The following SCAF4 variants were observed in gnomAD, a reference collection of about 807,000 sequenced individuals.
SCAF4 encodes the protein SR-related and CTD-associated factor 4.
Under a neutral mutation model 129.8 loss-of-function variants are expected in SCAF4, and 25 were observed. The observed-to-expected ratio is 0.19, with a 90% CI of 0.14 to 0.27. The LOEUF (loss-of-function observed/expected upper bound fraction) is 0.27. SCAF4 is among the 10% of genes least tolerant of loss of function. The pLI, the probability that SCAF4 is intolerant of heterozygous loss-of-function variation, is 1.00. For missense variants in SCAF4, 1,246 were observed against 1,457.1 expected (o/e 0.86, Z 2.36); for synonymous variants, 551 against 497.7 (o/e 1.11, Z -1.43).
At chr21:31,713,495 T>A (rs2050853371) in intron 1 of SCAF4, among the ~76,000 whole-genome samples, 1 of 152,178 alleles carries the variant, frequency 6.6e-6, no homozygotes, top group African/African-American at 2.4e-5. Flanking sequence ...GTAATTCTTT[T>A]GAGAAAAAGA....
Position 31,685,579 on chromosome 21 carries a change from T to A in SCAF4, c.2198A>T (p.His733Leu). The A allele has an allele frequency of 6.2e-7, 1 of 1,614,020 alleles. No homozygotes were observed. The highest frequency in any genetic ancestry group is 1.6e-4 in the Middle Eastern group (1 of 6,062). ...PFLRPGFNPM[H>L]LPPGFLPPGP... ...ACAATTTAGTGTACCTGGTGGTAAATGCATTGGGTTGAATCCTGGGCGCAA... is the reference window on the plus strand; with the variant it reads ...ACAATTTAGTGTACCTGGTGGTAAAAGCATTGGGTTGAATCCTGGGCGCAA... Residue 733 changes from histidine to leucine, a missense_variant, in exon 17 of 20, where the codon CAT becomes CTT. By Grantham distance (99) the His-to-Leu change is moderately conservative (BLOSUM62 -3). This residue lies in a region of SCAF4 where 468 missense variants were observed against 605.5 expected (regional missense o/e 0.77). Transcript: ENST00000286835.
At chr21:31,724,727 C>CA (rs1258200404) in intron 1 of SCAF4, among the ~76,000 whole-genome samples, 2 of 151,454 alleles carry the variant, frequency 1.3e-5, no homozygotes, top group Non-Finnish European at 2.9e-5. Context: ...GTAAAGAAAA[C>CA]AAACAAAAAA....
At chr21:31,674,008 T>C (rs1372686602) in intron 19 of SCAF4, among the ~76,000 whole-genome samples, 1 of 152,166 alleles carries the variant, frequency 6.6e-6, no homozygotes, top group Non-Finnish European at 1.5e-5. Context: ...TTTCAAAGCA[T>C]CTTATTATAA....
In SCAF4 at chr21:31,703,764, C is replaced by A. The variant is rs2050589119; in HGVS notation, c.321+1G>T. On this transcript the variant is annotated splice_donor_variant, in intron 4 of 19. Coordinates refer to ENST00000286835, the MANE Select transcript of SCAF4 (RefSeq NM_020706.2). LOFTEE classifies it high-confidence loss of function. Reference sequence around the variant, plus strand: ...AGTTTTAGTTTAAAAATTAATTATACCTTATCTTCAGATGGACAAAGATAT... The same window carrying A: ...AGTTTTAGTTTAAAAATTAATTATAACTTATCTTCAGATGGACAAAGATAT... The A allele has an allele frequency of 1.4e-6, 2 of 1,468,686 alleles. No homozygotes were observed. The highest frequency in any genetic ancestry group is 1.3e-5 in the South Asian group (1 of 78,772). 91.0% of individuals were successfully genotyped at this position (1,468,686 alleles called of 1,614,324 possible). A position where few individuals can be genotyped will look rare whatever the true frequency, so the allele number is the denominator to read the frequency against.
intron 1 of SCAF4, 125 bp downstream of exon 1, chr21:31,731,538 C>T (rs1417145996): frequency 5.9e-6 from 7 of 1,178,356 alleles, no homozygotes; most frequent in East Asian, 5.8e-5. Flanking sequence ...GCAGGCCCCG[C>T]CGCCCCGGAA....
In SCAF4 at chr21:31,694,108, C is replaced by T. The variant is rs12106435; in HGVS notation, c.1322+96G>A. On this transcript the variant is annotated intron_variant, in intron 11 of 19. Coordinates refer to ENST00000286835, the MANE Select transcript of SCAF4 (RefSeq NM_020706.2). ...TACAAACATACCAACTGTTATTTTACTAACATTCTGAATATCTGAAAATAA... is the reference window on the plus strand; with the variant it reads ...TACAAACATACCAACTGTTATTTTATTAACATTCTGAATATCTGAAAATAA... 6.3e-3 allele frequency: 4,179 copies of T among 667,902 alleles called. 131 individuals are homozygous for T. In the African/African-American group the frequency reaches 0.068, roughly 11 times the overall value. The allele number at this position is 667,902 out of a possible 1,614,324, so 41.4% of individuals were successfully genotyped here.
intron 19 of SCAF4, among the ~76,000 whole-genome samples, chr21:31,680,608 C>T (rs922776349): frequency 6.6e-6 from 1 of 152,098 alleles, no homozygotes; most frequent in African/African-American, 2.4e-5. Flanking sequence ...CATCAAAATT[C>T]AAACAAAATT....
At chr21:31,715,618 A>G (rs1218659510) in intron 1 of SCAF4, among the ~76,000 whole-genome samples, 5 of 152,234 alleles carry the variant, frequency 3.3e-5, no homozygotes, top group Non-Finnish European at 7.3e-5. Flanking sequence ...CAACCTATTT[A>G]GCAAGTCTAG....
chr21:31,718,771 C>A (rs8134467), intron 1 of SCAF4, among the ~76,000 whole-genome samples: 2 of 152,144 alleles, frequency 1.3e-5, no homozygotes, highest in Admixed American at 1.3e-4. Flanking sequence ...GCAACAAAAC[C>A]GCACATAATA....
intron 19 of SCAF4, 44 bp from the exon 20 acceptor site, chr21:31,672,398 G>T: frequency 7.1e-7 from 1 of 1,408,518 alleles, no homozygotes; most frequent in Non-Finnish European, 1.0e-6. Context: ...ACCGAAGATG[G>T]CACTCCAGTT....
At chr21:31,704,029 T>G (rs1006068953) in intron 3 of SCAF4, 103 bp from the exon 4 acceptor site, 10 of 660,566 alleles carry the variant, frequency 1.5e-5, no homozygotes, top group Non-Finnish European at 2.2e-5. Context: ...ATCCAATGAT[T>G]GCTTTTGTTT....
chr21:31,725,032 G>T (rs1350247849), intron 1 of SCAF4, among the ~76,000 whole-genome samples: 1 of 152,126 alleles, frequency 6.6e-6, no homozygotes, highest in Non-Finnish European at 1.5e-5. Context: ...AATTCCCTGG[G>T]TCAAGAAAGT....
In SCAF4 at chr21:31,671,724, C is replaced by A; in HGVS notation, c.3119G>T (p.Arg1040Leu). 1 of 1,614,088 alleles carries A rather than the reference C, an allele frequency of 6.2e-7. No homozygotes were observed. The highest frequency in any genetic ancestry group is 8.5e-7 in the Non-Finnish European group (1 of 1,179,970). The change falls in exon 20 of 20, where the codon CGG (arginine) becomes CTG (leucine). Residue 1040 changes from arginine to leucine, a missense_variant. Physicochemically the swap from Arg to Leu is moderately radical, Grantham distance 102. Around this residue, in one of 6 missense-constraint regions of SCAF4, gnomAD observed 339 missense variants for 325.0 expected, o/e 1.04. Coordinates refer to ENST00000286835, the MANE Select transcript of SCAF4 (RefSeq NM_020706.2). ...CTCTTCCAAGTCTCTGTGCCTGTCCCGGTCAGGGCTCCTCCTTCCCCACTC... is the reference window on the plus strand; with the variant it reads ...CTCTTCCAAGTCTCTGTGCCTGTCCAGGTCAGGGCTCCTCCTTCCCCACTC... The part of the protein sequence containing the change: ...RREWGRRSPD[R>L]DRHRDLEERN...
chr21:31,689,776 A>C (rs1427820489), intron 15 of SCAF4, among the ~76,000 whole-genome samples: 2 of 151,168 alleles, frequency 1.3e-5, no homozygotes. Context: ...TAAAAAAAAT[A>C]CCAAAAAAAT....
chr21:31,716,609 T>C (rs1198588342), intron 1 of SCAF4, among the ~76,000 whole-genome samples: 1 of 152,172 alleles, frequency 6.6e-6, no homozygotes, highest in Non-Finnish European at 1.5e-5. Flanking sequence ...AAAGATAATT[T>C]TAAACAAGTT....
rs2050713879 is a variant in SCAF4 at position 31,708,189 on chromosome 21, A to C, written c.31-1832T>G. Among the ~76,000 whole-genome samples, 3 of 152,184 alleles carry C rather than the reference A, an allele frequency of 2.0e-5. No individual in the cohort carries two copies. In the South Asian group the frequency reaches 6.2e-4, roughly 32 times the overall value. On this transcript the variant is annotated intron_variant, in intron 1 of 19. Transcript: ENST00000286835. ...GTTCACCTGAGGTCAGGAGTTCGAG[A>C]CCAGCCTGGCCAACGTGGCGAAACC...
intron 13 of SCAF4, 52 bp from the exon 14 acceptor site, chr21:31,691,982 A>G (rs2050271049): frequency 3.3e-6 from 3 of 917,536 alleles, no homozygotes; most frequent in Non-Finnish European, 5.2e-6. Context: ...GAAAAGCAAC[A>G]AGATACAACA....
chr21:31,678,329 TTAAG>T lies in SCAF4; in HGVS notation c.2489-5979_2489-5976del, dbSNP rs1272370437. ...CTTGACTCTTTTTCGCATTCCGTAT[TTAAG>T]TAATATGGCAATTCTGAAGGCTCTA... On this transcript the variant is annotated intron_variant, in intron 19 of 19. Coordinates refer to ENST00000286835, the MANE Select transcript of SCAF4 (RefSeq NM_020706.2). 2.0e-5 allele frequency among the ~76,000 whole-genome samples: 3 copies of T among 152,184 alleles called. No homozygotes were observed. The East Asian group carries it at 5.8e-4, about 29-fold the overall frequency.
chr21:31,682,451 AT>A (rs2050019320), intron 19 of SCAF4, among the ~76,000 whole-genome samples: 1 of 152,170 alleles, frequency 6.6e-6, no homozygotes, highest in Non-Finnish European at 1.5e-5. Flanking sequence ...AAGTAATGTA[AT>A]TTTAGAATTG....
Sources: allele counts gnomAD v4.1 joint callset (sites outside exome capture counted in the v4.1 genomes callset), GRCh38; gene constraint gnomAD v4.1.1; regional missense constraint gnomAD v4.1.1; transcripts MANE v1.5; gene names NCBI Gene and HGNC (gene_info 2026-07-23, HGNC 2026-07-21).